Variants in CNTN5 observed in about 807,000 individuals in gnomAD.
CNTN5 encodes the protein contactin 5.
CNTN5 carries 77 observed loss-of-function variants against 129.1 expected under a neutral mutation model. That is an observed-to-expected ratio of 0.60 (90% CI 0.50 to 0.72). The LOEUF is 0.72. Ranked by LOEUF, CNTN5 falls within the 30% of genes least tolerant of loss-of-function variation. CNTN5 has a pLI of 0.00. For synonymous variants in CNTN5, 509 were observed against 465.6 expected (o/e 1.09, Z -1.20); for missense variants, 1,478 against 1,328.8 (o/e 1.11, Z -1.75).
intron 8 of CNTN5, among the ~76,000 whole-genome samples, chr11:99,959,766 A>G (rs1405750252): frequency 6.6e-6 from 1 of 152,078 alleles, no homozygotes; most frequent in Non-Finnish European, 1.5e-5. Flanking sequence ...TTTAAGGTTG[A>G]CATTTAACAA....
intron 18 of CNTN5, among the ~76,000 whole-genome samples, chr11:100,282,356 T>G (rs1277335624): frequency 6.6e-6 from 1 of 152,242 alleles, no homozygotes; most frequent in South Asian, 2.1e-4. Context: ...ACTGCCTTGA[T>G]AATCTTGAAG....
chr11:99,703,090 C>T (rs1246133202), intron 3 of CNTN5, among the ~76,000 whole-genome samples: 4 of 150,510 alleles, frequency 2.7e-5, no homozygotes, highest in Admixed American at 6.6e-5. Flanking sequence ...ACTTCAAGCA[C>T]TAGCTCTATA....
chr11:99,367,784 A>G (rs1939545767), intron 2 of CNTN5, among the ~76,000 whole-genome samples: 1 of 152,204 alleles, frequency 6.6e-6, no homozygotes, highest in Non-Finnish European at 1.5e-5. Flanking sequence ...AATTAAAAGA[A>G]GAAATTGAAT....
At chr11:99,063,421 G>A (rs1285872113) in intron 1 of CNTN5, among the ~76,000 whole-genome samples, 3 of 151,832 alleles carry the variant, frequency 2.0e-5, no homozygotes, top group Non-Finnish European at 4.4e-5. Context: ...CTTTGTGAGT[G>A]TTAAGAATCA....
chr11:99,965,484 T>G (rs1260201924), intron 8 of CNTN5, among the ~76,000 whole-genome samples: 1 of 152,250 alleles, frequency 6.6e-6, no homozygotes, highest in Non-Finnish European at 1.5e-5. Flanking sequence ...GTGAATTTCT[T>G]AATCCTGAGT....
At chr11:100,204,805 A>C (rs1358299860) in intron 15 of CNTN5, among the ~76,000 whole-genome samples, 1 of 152,034 alleles carries the variant, frequency 6.6e-6, no homozygotes, top group Non-Finnish European at 1.5e-5. Flanking sequence ...TCTAGTTTTC[A>C]TGTTGAAGAA....
At chr11:99,926,858 CT>C (rs1950074092) in intron 7 of CNTN5, among the ~76,000 whole-genome samples, 1 of 151,906 alleles carries the variant, frequency 6.6e-6, no homozygotes, top group Non-Finnish European at 1.5e-5. Context: ...CCAAATGTGT[CT>C]TTGTTAAATT....
At chr11:99,356,386 G>A (rs1361732258) in intron 2 of CNTN5, among the ~76,000 whole-genome samples, 1 of 152,130 alleles carries the variant, frequency 6.6e-6, no homozygotes, top group African/African-American at 2.4e-5. Context: ...CATAATTTCT[G>A]CTTCACAGGT....
chr11:99,850,742 T>G (rs530349079), intron 6 of CNTN5, among the ~76,000 whole-genome samples: 6 of 152,140 alleles, frequency 3.9e-5, no homozygotes, highest in Non-Finnish European at 8.8e-5. Flanking sequence ...GAAACAAATA[T>G]TTCCCTGGTG....
chr11:100,027,464 T>C (rs1014152416), intron 9 of CNTN5, among the ~76,000 whole-genome samples: 4 of 152,202 alleles, frequency 2.6e-5, no homozygotes, highest in Non-Finnish European at 5.9e-5. Flanking sequence ...TATGATATTT[T>C]CCACATGGAT....
At chr11:99,247,828 A>G (rs552355169) in intron 1 of CNTN5, among the ~76,000 whole-genome samples, 1 of 152,128 alleles carries the variant, frequency 6.6e-6, no homozygotes, top group African/African-American at 2.4e-5. Context: ...TCCATGGTGT[A>G]TATGTGCCAC....
intron 1 of CNTN5, among the ~76,000 whole-genome samples, chr11:99,255,213 G>C (rs1862313907): frequency 1.3e-5 from 2 of 151,802 alleles, no homozygotes; most frequent in Non-Finnish European, 2.9e-5. Flanking sequence ...CCAGAAAAGA[G>C]TTAATGATTT....
intron 6 of CNTN5, among the ~76,000 whole-genome samples, chr11:99,865,082 T>A (rs570531426): frequency 6.6e-6 from 1 of 152,270 alleles, no homozygotes. Context: ...GGTACTGGAG[T>A]AAGCATCTTC....
chr11:99,951,341 A>T (rs946241617), intron 7 of CNTN5, among the ~76,000 whole-genome samples: 1 of 151,548 alleles, frequency 6.6e-6, no homozygotes, highest in Non-Finnish European at 1.5e-5. Context: ...GCTCTATCTG[A>T]TATTTTCATA....
At chr11:99,450,768 GTTTT>G (rs34146715) in intron 2 of CNTN5, among the ~76,000 whole-genome samples, 12 of 104,992 alleles carry the variant, frequency 1.1e-4, no homozygotes, top group South Asian at 7.1e-4. Flanking sequence ...ATTGAAGCAA[GTTTT>G]TTTTTTTTTT....
intron 7 of CNTN5, among the ~76,000 whole-genome samples, chr11:99,955,604 G>A (rs928269441): frequency 3.3e-5 from 5 of 152,034 alleles, no homozygotes; most frequent in Non-Finnish European, 7.4e-5. Context: ...CTGTTGCCCA[G>A]GCTGGAGTGC....
chr11:99,446,829 G>A (rs1944092368), intron 2 of CNTN5, among the ~76,000 whole-genome samples: 2 of 152,138 alleles, frequency 1.3e-5, no homozygotes, highest in South Asian at 4.1e-4. Flanking sequence ...TCATAAGGTT[G>A]AATGGACTTC....
intron 1 of CNTN5, among the ~76,000 whole-genome samples, chr11:99,224,677 T>TTG (rs1860582668): frequency 6.7e-6 from 1 of 149,370 alleles, no homozygotes; most frequent in African/African-American, 2.5e-5. Context: ...TTTTTTTTTT[T>TTG]GAGACAGTCT....
intron 2 of CNTN5, among the ~76,000 whole-genome samples, chr11:99,520,031 G>T (rs773040499): frequency 8.6e-5 from 13 of 152,028 alleles, no homozygotes; most frequent in African/African-American, 1.7e-4. Context: ...CTAGTTCACT[G>T]AACCAGAATA....
Sources: gnomAD v4.1 joint callset for allele counts (sites outside exome capture counted in the v4.1 genomes callset) on GRCh38, gnomAD v4.1.1 for gene constraint, MANE v1.5 for transcripts, NCBI Gene and HGNC (gene_info 2026-07-23, HGNC 2026-07-21) for gene names.